Variants in DOCK2 observed in about 807,000 individuals in gnomAD.
The protein encoded by DOCK2 is dedicator of cytokinesis 2.
In DOCK2, 87 loss-of-function variants were observed where a neutral mutation model predicts 248.9. The observed-to-expected ratio is 0.35, with a 90% CI of 0.29 to 0.42. The LOEUF (loss-of-function observed/expected upper bound fraction) is 0.42. Ranked by LOEUF, DOCK2 falls within the 10% of genes least tolerant of loss-of-function variation. The pLI is 1.00. For missense variants in DOCK2, 1,747 were observed against 2,300.2 expected (o/e 0.76, Z 4.92); for synonymous variants, 805 against 821.6 (o/e 0.98, Z 0.35).
intron 27 of DOCK2, among the ~76,000 whole-genome samples, chr5:169,916,868 G>A (rs1297730130): frequency 2.0e-5 from 3 of 152,200 alleles, no homozygotes; most frequent in African/African-American, 7.2e-5. Flanking sequence ...CACATAGCTA[G>A]TAAGTAATGG....
chr5:169,673,905 G>T (rs888846337), intron 5 of DOCK2, among the ~76,000 whole-genome samples: 1 of 152,230 alleles, frequency 6.6e-6, no homozygotes, highest in African/African-American at 2.4e-5. Context: ...ACACTTTGGA[G>T]AATGCTGCCC....
chr5:169,653,932 G>A (rs1470412213), intron 1 of DOCK2, among the ~76,000 whole-genome samples: 3 of 152,196 alleles, frequency 2.0e-5, no homozygotes, highest in Non-Finnish European at 2.9e-5. Context: ...CCCCAGGCCT[G>A]GCTGAAGGAG....
chr5:170,042,031 G>T lies in DOCK2; in HGVS notation c.3775G>T (p.Ala1259Ser). The part of the protein sequence containing the change: ...WLLKWSDEQC[A>S]SQVMQTGQQH... Reference sequence around the variant, plus strand: ...TTCACAGTGGTCGGATGAGCAGTGTGCATCACAGGTCATGCAGACAGGCCA... The same window carrying T: ...TTCACAGTGGTCGGATGAGCAGTGTTCATCACAGGTCATGCAGACAGGCCA... Residue 1259 changes from alanine (A) to serine (S), a missense_variant, in exon 38 of 52, where the codon GCA (alanine) becomes TCA (serine). Physicochemically the swap from Ala to Ser is moderately conservative, Grantham distance 99. Transcript: ENST00000520908. 1.2e-6 allele frequency: 2 copies of T among 1,613,540 alleles called. No homozygotes were observed. Among genetic ancestry groups the T allele is most frequent in the African/African-American group, 1.3e-5 (1 of 74,984 alleles).
chr5:169,905,307 T>TC (rs372097449), intron 27 of DOCK2, among the ~76,000 whole-genome samples: 1 of 149,764 alleles, frequency 6.7e-6, no homozygotes, highest in Non-Finnish European at 1.5e-5. Flanking sequence ...TTTTTTTTTT[T>TC]CAGGAGAAGC....
chr5:169,870,646 A>G (rs1429631766), intron 27 of DOCK2, among the ~76,000 whole-genome samples: 2 of 152,048 alleles, frequency 1.3e-5, no homozygotes, highest in Non-Finnish European at 2.9e-5. Context: ...GTACATGTGC[A>G]CAATGTGCAG....
At chr5:170,042,224 G>C in intron 38 of DOCK2, 92 bp downstream of exon 38, 1 of 1,411,036 alleles carries the variant, frequency 7.1e-7, no homozygotes, top group Non-Finnish European at 9.5e-7. Flanking sequence ...CCTCAGCTCT[G>C]TCAGATATCC....
intron 27 of DOCK2, among the ~76,000 whole-genome samples, chr5:169,850,901 C>G (rs1262383555): frequency 6.6e-6 from 1 of 152,174 alleles, no homozygotes; most frequent in African/African-American, 2.4e-5. Context: ...GTGGGAGGAG[C>G]ATTTCTTGCC....
chr5:170,077,567 C>T, intron 47 of DOCK2, 143 bp from the exon 48 acceptor site: 1 of 1,223,124 alleles, frequency 8.2e-7, no homozygotes, highest in Non-Finnish European at 1.1e-6. Flanking sequence ...ACGCCCTAGC[C>T]TCAGCCAGCC....
At chr5:170,010,891 T>G (rs142032346) in intron 32 of DOCK2, among the ~76,000 whole-genome samples, 1 of 152,238 alleles carries the variant, frequency 6.6e-6, no homozygotes, top group African/African-American at 2.4e-5. Flanking sequence ...TGAATGTCCT[T>G]CATTGCCATT....
At chr5:169,747,965 C>G (rs1481523321) in intron 23 of DOCK2, among the ~76,000 whole-genome samples, 1 of 152,154 alleles carries the variant, frequency 6.6e-6, no homozygotes, top group Non-Finnish European at 1.5e-5. Flanking sequence ...AACTGTGAGG[C>G]CTATCCCTGT....
At chr5:169,950,200 C>T (rs969596601) in intron 27 of DOCK2, among the ~76,000 whole-genome samples, 3 of 152,176 alleles carry the variant, frequency 2.0e-5, no homozygotes, top group African/African-American at 7.2e-5. Context: ...TCACTGGAGC[C>T]AGCCTGTCAG....
At chr5:169,728,149 T>C (rs1371386221) in intron 22 of DOCK2, among the ~76,000 whole-genome samples, 2 of 152,218 alleles carry the variant, frequency 1.3e-5, no homozygotes, top group Non-Finnish European at 2.9e-5. Flanking sequence ...GACTTTCTGG[T>C]CCATTTGACC....
intron 27 of DOCK2, among the ~76,000 whole-genome samples, chr5:169,856,930 A>G (rs1770928743): frequency 6.6e-6 from 1 of 152,194 alleles, no homozygotes; most frequent in Non-Finnish European, 1.5e-5. Context: ...TCAGGAGCAA[A>G]CATATGGGTT....
intron 2 of DOCK2, among the ~76,000 whole-genome samples, chr5:169,660,714 C>T (rs965323606): frequency 1.3e-5 from 2 of 152,164 alleles, no homozygotes; most frequent in African/African-American, 4.8e-5. Flanking sequence ...ACATTATAAG[C>T]ACTTAACATG....
intron 27 of DOCK2, among the ~76,000 whole-genome samples, chr5:169,907,503 G>A (rs1774349828): frequency 6.6e-6 from 1 of 152,186 alleles, no homozygotes; most frequent in Non-Finnish European, 1.5e-5. Flanking sequence ...AGTAGTTAAT[G>A]ATAATGGTAA....
chr5:169,928,221 C>G lies in DOCK2; in HGVS notation c.2800-54847C>G, dbSNP rs149621008. 2.0e-5 allele frequency among the ~76,000 whole-genome samples: 3 copies of G among 152,330 alleles called. No individual in the cohort carries two copies. In the East Asian group the frequency reaches 5.8e-4, roughly 29 times the overall value. ...AATATTGACAGCAGCCTCAATGCAC[C>G]AGCAGGAGGGGTCTACAGTTATTGC... On this transcript the variant is annotated intron_variant, in intron 27 of 51. Transcript: ENST00000520908.
At chr5:169,721,108 T>G (rs1205501729) in intron 22 of DOCK2, among the ~76,000 whole-genome samples, 1 of 152,262 alleles carries the variant, frequency 6.6e-6, no homozygotes, top group African/African-American at 2.4e-5. Flanking sequence ...TGTTTTGCTC[T>G]TCTCTGCCTC....
chr5:170,022,845 T>C (rs553147108), intron 33 of DOCK2, among the ~76,000 whole-genome samples: 48 of 152,342 alleles, frequency 3.2e-4, no homozygotes, highest in Non-Finnish European at 6.2e-4. Flanking sequence ...GGGCACAATG[T>C]CAGTGTTCCC....
At chr5:169,745,029 A>G (rs1443136337) in intron 22 of DOCK2, among the ~76,000 whole-genome samples, 1 of 152,238 alleles carries the variant, frequency 6.6e-6, no homozygotes, top group Non-Finnish European at 1.5e-5. Context: ...CTAGACCAGT[A>G]GCAGCCATGG....
Sources: allele counts gnomAD v4.1 joint callset (sites outside exome capture counted in the v4.1 genomes callset), GRCh38; gene constraint gnomAD v4.1.1; transcripts MANE v1.5; gene names NCBI Gene and HGNC (gene_info 2026-07-23, HGNC 2026-07-21).